Variants in PRICKLE2 observed in about 807,000 individuals in gnomAD.
PRICKLE2 encodes the protein prickle planar cell polarity protein 2.
In PRICKLE2, 21 loss-of-function variants were observed where a neutral mutation model predicts 81.4. The ratio of observed to expected loss-of-function variants is 0.26; its 90% CI spans 0.18 to 0.37. The LOEUF is 0.37. Among genes scored for constraint, PRICKLE2 ranks in the 10% least tolerant of loss-of-function variants. The pLI is 1.00. For synonymous variants in PRICKLE2, 456 were observed against 421.5 expected, an observed-to-expected ratio of 1.08 and a Z score of -1.00; for missense variants, 940 against 1,109.0, an observed-to-expected ratio of 0.85 and a Z score of 2.16.
rs112288614 is a variant in PRICKLE2 at position 64,218,265 on chromosome 3, T to G, written c.-41+6645A>C. Among the ~76,000 whole-genome samples, 171 of 152,324 alleles carry G rather than the reference T, an allele frequency of 1.1e-3. 3 individuals are homozygous for G. Among genetic ancestry groups the G allele is most frequent in the African/African-American group, 4.0e-3 (166 of 41,574 alleles). ...TGCCTTTTACCTTAATTTATATAAA[T>G]CAGAACATTTTTTACTTAAAAACAA... On this transcript the variant is annotated intron_variant, in intron 1 of 7. Coordinates refer to ENST00000638394, the MANE Select transcript of PRICKLE2 (RefSeq NM_198859.4).
At chr3:64,219,654 A>G (rs542596282) in intron 1 of PRICKLE2, among the ~76,000 whole-genome samples, 15 of 151,866 alleles carry the variant, frequency 9.9e-5, no homozygotes, top group African/African-American at 3.4e-4. Context: ...AAGATCAACC[A>G]ACGAGATTTT....
intron 7 of PRICKLE2, among the ~76,000 whole-genome samples, chr3:64,108,446 C>T (rs2076789608): frequency 6.6e-6 from 1 of 152,066 alleles, no homozygotes; most frequent in Non-Finnish European, 1.5e-5. Flanking sequence ...GTCATCTGGG[C>T]AGTGGAGCTT....
Position 64,156,851 on chromosome 3 carries a change from A to ATTTTG in PRICKLE2, c.600+306_600+310dup, listed in dbSNP as rs758817643. ...TTAATATCTAAAGATGCACAATGCA[A>ATTTTG]TTTTGTTTTGTTTTGTTTTTAGGGT... is the stretch of plus-strand genomic sequence containing the variant. On this transcript the variant is annotated intron_variant, in intron 5 of 7. Coordinates refer to ENST00000638394, the MANE Select transcript of PRICKLE2 (RefSeq NM_198859.4). Among the ~76,000 whole-genome samples the ATTTTG allele has an allele frequency of 2.6e-4, 40 of 152,248 alleles. No homozygotes were observed. In the Middle Eastern group the frequency reaches 0.014, roughly 52 times the overall value.
chr3:64,099,692 C>T lies in PRICKLE2; in HGVS notation c.1894G>A (p.Asp632Asn). 6.2e-7 allele frequency: 1 copy of T among 1,614,204 alleles called. No individual in the cohort carries two copies. The highest frequency in any genetic ancestry group is 8.5e-7 in the Non-Finnish European group (1 of 1,180,052). Reference protein sequence around the residue: ...HQLSNPIGYRDLQSHGRMHQS... With the variant: ...HQLSNPIGYRNLQSHGRMHQS... ...TGCATCCTTCCGTGGGACTGCAGGT[C>T]TCTGTAGCCAATGGGGTTGCTGAGC... Residue 632 changes from aspartate (D) to asparagine (N), a missense_variant, in exon 8 of 8, where the codon GAC (aspartate) becomes AAC (asparagine). By Grantham distance (23) the Asp-to-Asn change is conservative. Around this residue, in one of 2 missense-constraint regions of PRICKLE2, gnomAD observed 670 missense variants for 717.2 expected, o/e 0.93. Transcript: ENST00000638394. The surrounding 1 kb of genome is among the most constrained non-coding windows in gnomAD (Gnocchi z 4.3).
chr3:64,129,016 G>T (rs1416661682), intron 7 of PRICKLE2, among the ~76,000 whole-genome samples: 1 of 151,892 alleles, frequency 6.6e-6, no homozygotes, highest in Admixed American at 6.6e-5. Flanking sequence ...CAGCATCCTT[G>T]GCCTCTACCC....
rs2036298379 is a variant in PRICKLE2, at chr3:64,099,769, C to A, written c.1817G>T (p.Arg606Leu). The A allele has an allele frequency of 6.2e-7, 1 of 1,614,154 alleles. No homozygotes were observed. The highest frequency in any genetic ancestry group is 8.5e-7 in the Non-Finnish European group (1 of 1,180,022). The change falls in exon 8 of 8, where the codon CGC (arginine) becomes CTC (leucine). Residue 606 changes from arginine to leucine, a missense_variant. Coordinates refer to ENST00000638394, the MANE Select transcript of PRICKLE2 (RefSeq NM_198859.4). The surrounding 1 kb of genome is among the most constrained non-coding windows in gnomAD (Gnocchi z 4.3). The stretch of plus-strand genomic sequence containing the variant: ...GTACTGCTGGGCAGAGAGCAGGCTG[C>A]GAACTGACTCTGCGCTCCGGAACTG... ...SMQFRSAESVRSLLSAQQYQE... is the reference protein window; with the variant it reads ...SMQFRSAESVLSLLSAQQYQE...
intron 7 of PRICKLE2, among the ~76,000 whole-genome samples, chr3:64,116,216 T>C (rs1296108550): frequency 6.6e-6 from 1 of 152,184 alleles, no homozygotes; most frequent in African/African-American, 2.4e-5. Context: ...AGGAAACTTA[T>C]AGCACTGAAA....
chr3:64,165,274 C>T (rs1455510768), intron 2 of PRICKLE2, among the ~76,000 whole-genome samples: 1 of 152,048 alleles, frequency 6.6e-6, no homozygotes, highest in Non-Finnish European at 1.5e-5. Flanking sequence ...TAAGGCTGGC[C>T]CAAGTTGGAA....
At chr3:64,175,167 C>T in intron 2 of PRICKLE2, 1 of 181,266 alleles carries the variant, frequency 5.5e-6, no homozygotes, top group African/African-American at 2.4e-5. Flanking sequence ...CCATGTGTAT[C>T]TGCACCTTCT....
intron 7 of PRICKLE2, chr3:64,145,867 T>C (rs1231936178): frequency 6.6e-6 from 1 of 151,982 alleles, no homozygotes; most frequent in Non-Finnish European, 1.5e-5. Flanking sequence ...CTTGGACCTC[T>C]TTTATAAGGG....
At chr3:64,258,178 G>C (rs1466140139) in intron 2 of PRICKLE2, among the ~76,000 whole-genome samples, 1 of 151,714 alleles carries the variant, frequency 6.6e-6, no homozygotes, top group East Asian at 1.9e-4. Context: ...TCTGAAGCAA[G>C]CAATTAGCGG....
chr3:64,182,562 G>T (rs1454764887), intron 2 of PRICKLE2: 1 of 151,932 alleles, frequency 6.6e-6, no homozygotes, highest in Non-Finnish European at 1.5e-5. Context: ...GCCATGTGGG[G>T]ACACATTCCC....
intron 1 of PRICKLE2, among the ~76,000 whole-genome samples, chr3:64,204,864 C>T (rs2078653720): frequency 6.6e-6 from 1 of 152,100 alleles, no homozygotes; most frequent in Non-Finnish European, 1.5e-5. Flanking sequence ...GGCCCAGACC[C>T]TCAGAAGGGG....
At chr3:64,107,454 C>T (rs1041347064) in intron 7 of PRICKLE2, among the ~76,000 whole-genome samples, 8 of 152,126 alleles carry the variant, frequency 5.3e-5, no homozygotes, top group Non-Finnish European at 8.8e-5. Flanking sequence ...TAAGATTGAA[C>T]GGCAGACTTT....
chr3:64,256,100 A>G (rs1176624140), intron 2 of PRICKLE2, among the ~76,000 whole-genome samples: 1 of 152,170 alleles, frequency 6.6e-6, no homozygotes, highest in Non-Finnish European at 1.5e-5. Flanking sequence ...TCATGCCACT[A>G]TGGAGGTTTT....
chr3:64,159,836 A>T (rs2077701220), intron 4 of PRICKLE2, 104 bp downstream of exon 4: 1 of 1,442,752 alleles, frequency 6.9e-7, no homozygotes, highest in South Asian at 1.1e-5. Flanking sequence ...TCACTACTGT[A>T]TCTCAGGCAC....
chr3:64,254,781 T>C (rs1011246644), intron 2 of PRICKLE2, among the ~76,000 whole-genome samples: 2 of 152,220 alleles, frequency 1.3e-5, no homozygotes, highest in African/African-American at 4.8e-5. Context: ...ATCTCACAGA[T>C]TGCCTTTAGT....
chr3:64,118,040 G>A (rs1226599472), intron 7 of PRICKLE2, among the ~76,000 whole-genome samples: 6 of 152,028 alleles, frequency 3.9e-5, no homozygotes, highest in Non-Finnish European at 8.8e-5. Flanking sequence ...AAACACAGAA[G>A]TAAGGCCACA....
chr3:64,154,544 T>A (rs2077597446), intron 5 of PRICKLE2: 1 of 151,454 alleles, frequency 6.6e-6, no homozygotes, highest in Non-Finnish European at 1.5e-5. Context: ...AAACTCCATC[T>A]CGAAGAAAAA....
Sources: allele counts gnomAD v4.1 joint callset (sites outside exome capture counted in the v4.1 genomes callset), GRCh38; gene constraint gnomAD v4.1.1; regional missense constraint gnomAD v4.1.1; non-coding constraint Gnocchi (gnomAD v3.1); transcripts MANE v1.5; gene names NCBI Gene and HGNC (gene_info 2026-07-23, HGNC 2026-07-21).